CMIP: variants seen among roughly 807,000 people sequenced by gnomAD.
CMIP encodes the protein C-Maf-inducing protein.
In CMIP, 13 loss-of-function variants were observed where a neutral mutation model predicts 97.3. That is an observed-to-expected ratio of 0.13 (90% CI 0.09 to 0.21). CMIP has a LOEUF of 0.21. Ranked by LOEUF, CMIP falls within the 10% of genes least tolerant of loss-of-function variation. CMIP has a pLI of 1.00. For synonymous variants in CMIP, 538 were observed against 436.3 expected (o/e 1.23, Z -2.91); for missense variants, 847 against 1,024.9 (o/e 0.83, Z 2.37).
intron 19 of CMIP, among the ~76,000 whole-genome samples, 167 bp downstream of exon 19, chr16:81,705,771 T>A (rs3968320): frequency 0.68 from 102,877 of 152,182 alleles, 35,232 homozygotes; most frequent in East Asian, 0.79. Context: ...CACCATTCCA[T>A]GTGCCAGGAA....
rs1013209005 is a variant in CMIP, at chr16:81,710,617, T to A, written c.*818T>A. Reference sequence around the variant, plus strand: ...CTCTATGCTAATGCTCTCTCGTCTGTCTGTCTGTCTGCCCACTCCCCCACC... The same window carrying A: ...CTCTATGCTAATGCTCTCTCGTCTGACTGTCTGTCTGCCCACTCCCCCACC... On this transcript the variant is annotated 3_prime_UTR_variant, in exon 21 of 21. Transcript: ENST00000537098. The A allele has an allele frequency of 1.3e-5, 2 of 152,230 alleles. No individual in the cohort carries two copies. Among genetic ancestry groups the A allele is most frequent in the African/African-American group, 4.8e-5 (2 of 41,408 alleles). 9.4% of individuals were successfully genotyped at this position (152,230 alleles called of 1,614,324 possible). A position where few individuals can be genotyped will look rare whatever the true frequency, so the allele number is the denominator to read the frequency against.
intron 1 of CMIP, among the ~76,000 whole-genome samples, chr16:81,559,229 C>T (rs1483459156): frequency 6.6e-6 from 1 of 152,200 alleles, no homozygotes; most frequent in Non-Finnish European, 1.5e-5. Flanking sequence ...ATATCAGACC[C>T]CGAACATGGC....
At chr16:81,571,338 G>T (rs1338709911) in intron 1 of CMIP, among the ~76,000 whole-genome samples, 1 of 151,964 alleles carries the variant, frequency 6.6e-6, no homozygotes, top group African/African-American at 2.4e-5. Context: ...ATGCAGTGGT[G>T]TGTGCCTATA....
intron 1 of CMIP, among the ~76,000 whole-genome samples, chr16:81,587,279 C>T (rs550906723): frequency 1.3e-5 from 2 of 152,208 alleles, no homozygotes; most frequent in African/African-American, 4.8e-5. Flanking sequence ...CATTCCTGGG[C>T]TGTACCAGCG....
intron 1 of CMIP, among the ~76,000 whole-genome samples, chr16:81,597,181 A>G (rs1181660141): frequency 1.3e-5 from 2 of 151,878 alleles, no homozygotes; most frequent in Non-Finnish European, 2.9e-5. Context: ...GTTCTAGGGG[A>G]CTCATGTTCA....
chr16:81,534,348 C>T (rs1408171043), intron 1 of CMIP, among the ~76,000 whole-genome samples: 2 of 152,014 alleles, frequency 1.3e-5, no homozygotes, highest in African/African-American at 4.8e-5. Context: ...TGTTTATATT[C>T]TTTGTGTGTT....
rs1421245647 is a variant in CMIP, at chr16:81,618,380, G to C, written c.427-2496G>C. ...TGTGAGTACCCTTGTGATTTCATTGGGCTACCTAGATCATCCCCATCTCAA... is the reference window on the plus strand; with the variant it reads ...TGTGAGTACCCTTGTGATTTCATTGCGCTACCTAGATCATCCCCATCTCAA... On this transcript the variant is annotated intron_variant, in intron 2 of 20. Coordinates refer to ENST00000537098, the MANE Select transcript of CMIP (RefSeq NM_198390.3). 3 of 152,172 alleles carry C rather than the reference G, an allele frequency of 2.0e-5. No individual in the cohort carries two copies. The East Asian group carries it at 5.8e-4, about 29-fold the overall frequency. 9.4% of individuals were successfully genotyped at this position (152,172 alleles called of 1,614,324 possible). A position where few individuals can be genotyped will look rare whatever the true frequency, so the allele number is the denominator to read the frequency against.
chr16:81,474,624 G>A (rs2306116), intron 1 of CMIP, among the ~76,000 whole-genome samples: 5 of 152,208 alleles, frequency 3.3e-5, no homozygotes, highest in African/African-American at 9.6e-5. Context: ...GGTCTCTTCC[G>A]TGTCACCGCA....
intron 3 of CMIP, among the ~76,000 whole-genome samples, chr16:81,642,145 A>C (rs999273836): frequency 6.6e-6 from 1 of 152,218 alleles, no homozygotes; most frequent in Non-Finnish European, 1.5e-5. Flanking sequence ...ATCAGAACCC[A>C]GTGTGCGTGC....
At chr16:81,597,383 G>T (rs560753379) in intron 1 of CMIP, among the ~76,000 whole-genome samples, 34 of 152,296 alleles carry the variant, frequency 2.2e-4, no homozygotes, top group African/African-American at 8.2e-4. Context: ...TGTAGACAAA[G>T]GCCAGGGCGT....
At chr16:81,479,436 C>A (rs1175363192) in intron 1 of CMIP, among the ~76,000 whole-genome samples, 1 of 152,028 alleles carries the variant, frequency 6.6e-6, no homozygotes, top group Admixed American at 6.5e-5. Flanking sequence ...CAACCATCAC[C>A]CCCATCCATC....
At chr16:81,568,039 G>GTGTGTTTT (rs10629229) in intron 1 of CMIP, among the ~76,000 whole-genome samples, 11 of 82,534 alleles carry the variant, frequency 1.3e-4, no homozygotes, top group East Asian at 8.3e-4. Context: ...GTGTGTGTGT[G>GTGTGTTTT]TTTTTTTTTT....
intron 14 of CMIP, chr16:81,697,393 C>A (rs1237316156): frequency 6.6e-6 from 1 of 152,424 alleles, no homozygotes; most frequent in African/African-American, 2.4e-5. Context: ...GACTCTTCCT[C>A]CCCCAGGGCA....
At position 81,621,915 on chromosome 16, in the gene CMIP, C is replaced by T. The variant is rs1193924944; in HGVS notation, c.477+989C>T. ...GAGAGGGCCACTCCCCTCCTTTCCT[C>T]TGTCAGCTACTGGTCCTCTTGCTTT... On this transcript the variant is annotated intron_variant, in intron 3 of 20. Coordinates refer to ENST00000537098, the MANE Select transcript of CMIP (RefSeq NM_198390.3). This position sits in a 1 kb window ranked among gnomAD's most constrained non-coding sequence, Gnocchi z 4.1. 1 of 152,254 alleles carries T rather than the reference C, an allele frequency of 6.6e-6. No individual in the cohort carries two copies. Among genetic ancestry groups the T allele is most frequent in the Non-Finnish European group, 1.5e-5 (1 of 68,060 alleles). 9.4% of individuals were successfully genotyped at this position (152,254 alleles called of 1,614,324 possible). A position where few individuals can be genotyped will look rare whatever the true frequency, so the allele number is the denominator to read the frequency against.
At chr16:81,525,739 G>C (rs182836258) in intron 1 of CMIP, among the ~76,000 whole-genome samples, 108 of 152,254 alleles carry the variant, frequency 7.1e-4, no homozygotes, top group African/African-American at 2.3e-3. Flanking sequence ...TTCTCAAACT[G>C]AAACTCCGTC....
intron 3 of CMIP, among the ~76,000 whole-genome samples, chr16:81,624,006 A>G (rs538920574): frequency 1.2e-4 from 19 of 152,238 alleles, no homozygotes; most frequent in South Asian, 6.2e-4. Flanking sequence ...CTCCCAGGAC[A>G]TAACCCCTCT....
At chr16:81,549,607 G>A (rs936406473) in intron 1 of CMIP, among the ~76,000 whole-genome samples, 5 of 152,130 alleles carry the variant, frequency 3.3e-5, no homozygotes, top group African/African-American at 7.2e-5. Flanking sequence ...CCTGAGAGGC[G>A]GGGCTGAGAC....
intron 3 of CMIP, among the ~76,000 whole-genome samples, chr16:81,639,893 T>TG (rs1354483720): frequency 3.3e-5 from 5 of 152,156 alleles, no homozygotes; most frequent in African/African-American, 1.2e-4. Context: ...TAGAGTCATT[T>TG]GGGGCACACC....
intron 1 of CMIP, among the ~76,000 whole-genome samples, chr16:81,465,262 C>T (rs1907132718): frequency 6.6e-6 from 1 of 152,152 alleles, no homozygotes; most frequent in South Asian, 2.1e-4. Flanking sequence ...TTTTTCCATC[C>T]ATACTTGATG....
Sources: allele counts gnomAD v4.1 joint callset (sites outside exome capture counted in the v4.1 genomes callset), GRCh38; gene constraint gnomAD v4.1.1; non-coding constraint Gnocchi (gnomAD v3.1); transcripts MANE v1.5; gene names NCBI Gene and HGNC (gene_info 2026-07-23, HGNC 2026-07-21).